CSNK1G1: variants seen among roughly 807,000 people sequenced by gnomAD.
CSNK1G1 encodes casein kinase I isoform gamma-1.
Under a neutral mutation model 59.6 loss-of-function variants are expected in CSNK1G1, and 22 were observed. That is an observed-to-expected ratio of 0.37 (90% confidence interval 0.26 to 0.53). The LOEUF is 0.53. Among genes scored for constraint, CSNK1G1 ranks in the 20% least tolerant of loss-of-function variants. The pLI is 0.89. For synonymous variants in CSNK1G1, 179 were observed against 177.1 expected (o/e 1.01, Z -0.08); for missense variants, 384 against 519.5 (o/e 0.74, Z 2.54).
Position 64,213,886 on chromosome 15 carries a change from A to G in CSNK1G1, c.679+4T>C, listed in dbSNP as rs748267038. 2.5e-6 allele frequency: 4 copies of G among 1,601,960 alleles called. No individual in the cohort carries two copies. The South Asian group carries it at 4.4e-5, about 18-fold the overall frequency. Reference sequence around the variant, plus strand: ...CCCCTTTCATGGAACAGAAAAAAACACACCTTTGCCAAGATGCGTGTTGAT... The same window carrying G: ...CCCCTTTCATGGAACAGAAAAAAACGCACCTTTGCCAAGATGCGTGTTGAT... On this transcript the variant is annotated splice_donor_region_variant and intron_variant, in intron 6 of 11. Transcript: ENST00000303052.
Position 64,238,518 on chromosome 15 carries a change from A to AATATATATAT in CSNK1G1, c.292+12984_292+12993dup, listed in dbSNP as rs1212005568. Among the ~76,000 whole-genome samples, 51 of 49,228 alleles carry AATATATATAT rather than the reference A, an allele frequency of 1.0e-3. 1 individual carries two copies. Among genetic ancestry groups the AATATATATAT allele is most frequent in the African/African-American group, 5.1e-3 (43 of 8,502 alleles). 32.3% of individuals were successfully genotyped at this position (49,228 alleles called of 152,430 possible). On this transcript the variant is annotated intron_variant, in intron 4 of 11. Coordinates refer to ENST00000303052, the MANE Select transcript of CSNK1G1 (RefSeq NM_022048.5). ...TTAAAAAAAAAAAAAAAAAAAAAAA[A>AATATATATAT]ATATATATATATATATATATATATA...
chr15:64,278,461 T>C (rs1379091886), intron 2 of CSNK1G1, among the ~76,000 whole-genome samples: 1 of 137,438 alleles, frequency 7.3e-6, no homozygotes. Flanking sequence ...CAGAGTCTCA[T>C]TCTGTCACCC....
intron 1 of CSNK1G1, among the ~76,000 whole-genome samples, chr15:64,329,086 C>G (rs1266343052): frequency 6.6e-6 from 1 of 150,844 alleles, no homozygotes; most frequent in Non-Finnish European, 1.5e-5. Context: ...GAGACTTTAA[C>G]ACCCTACTGT....
intron 1 of CSNK1G1, among the ~76,000 whole-genome samples, chr15:64,316,467 T>G (rs1407650932): frequency 1.5e-5 from 2 of 131,888 alleles, no homozygotes; most frequent in African/African-American, 2.9e-5. Context: ...ACTCAGGAGG[T>G]GGAGGGTGCA....
chr15:64,206,151 CA>C (rs1205822940), intron 7 of CSNK1G1, among the ~76,000 whole-genome samples: 1 of 152,034 alleles, frequency 6.6e-6, no homozygotes, highest in Non-Finnish European at 1.5e-5. Context: ...ACTAAAAATA[CA>C]AAAAATTGGC....
intron 10 of CSNK1G1, among the ~76,000 whole-genome samples, chr15:64,182,646 T>C (rs1305478294): frequency 6.6e-6 from 1 of 152,162 alleles, no homozygotes; most frequent in Non-Finnish European, 1.5e-5. Context: ...CAGGCTGAAG[T>C]ACTTTGGGAT....
At position 64,216,544 on chromosome 15, in the gene CSNK1G1, A is replaced by G. The variant is rs2082314095; in HGVS notation, c.444+18T>C. 1.2e-6 allele frequency: 2 copies of G among 1,613,014 alleles called. No individual in the cohort carries two copies. The highest frequency in any genetic ancestry group is 1.7e-6 in the Non-Finnish European group (2 of 1,179,318). The stretch of plus-strand genomic sequence containing the variant: ...AGGAACCAGCTTATTCTCTTCTAGA[A>G]GAGCAATTCCAACTTACCAGCTGGA... On this transcript the variant is annotated intron_variant, in intron 5 of 11. Coordinates refer to ENST00000303052, the MANE Select transcript of CSNK1G1 (RefSeq NM_022048.5). This position sits in a 1 kb window ranked among gnomAD's most constrained non-coding sequence, Gnocchi z 4.6.
In CSNK1G1 at chr15:64,284,193, A is replaced by G. The variant is rs558033292; in HGVS notation, c.181+16126T>C. On this transcript the variant is annotated intron_variant, in intron 2 of 11. Transcript: ENST00000303052. ...ATCTATTTTACCAGTCTATATGTCT[A>G]TCCTGATGGGAGCACCACACTGTCT... is the stretch of plus-strand genomic sequence containing the variant. 1.5e-4 allele frequency among the ~76,000 whole-genome samples: 23 copies of G among 152,302 alleles called. No individual in the cohort carries two copies. In the South Asian group the frequency reaches 3.1e-3, roughly 21 times the overall value.
At chr15:64,286,979 C>A (rs1385997696) in intron 2 of CSNK1G1, among the ~76,000 whole-genome samples, 1 of 152,104 alleles carries the variant, frequency 6.6e-6, no homozygotes, top group African/African-American at 2.4e-5. Flanking sequence ...TTTCTGGTAA[C>A]ATGTAATTAT....
intron 1 of CSNK1G1, among the ~76,000 whole-genome samples, chr15:64,336,858 T>C (rs186003900): frequency 6.6e-6 from 1 of 152,290 alleles, no homozygotes; most frequent in African/African-American, 2.4e-5. Context: ...ACATATTTTA[T>C]AAATATTCAC....
intron 2 of CSNK1G1, among the ~76,000 whole-genome samples, chr15:64,277,734 TTAATATTGATATATTTAATAATATAG>T (rs1893774532): frequency 1.5e-5 from 2 of 129,190 alleles, no homozygotes; most frequent in Admixed American, 8.9e-5. Flanking sequence ...TAATAATATA[TTAATATTGATATATTTAATAATATAG>T]CAATATTGAT....
chr15:64,179,698 T>G (rs1237466559), intron 11 of CSNK1G1, among the ~76,000 whole-genome samples: 1 of 152,174 alleles, frequency 6.6e-6, no homozygotes, highest in Non-Finnish European at 1.5e-5. Flanking sequence ...TTTAAGAGTT[T>G]AAACACAGAC....
chr15:64,273,864 T>C (rs1893461718), intron 2 of CSNK1G1, among the ~76,000 whole-genome samples: 1 of 152,204 alleles, frequency 6.6e-6, no homozygotes, highest in South Asian at 2.1e-4. Context: ...TAAATGATGC[T>C]CTTAATTAGC....
chr15:64,335,593 G>T (rs1382137657), intron 1 of CSNK1G1, among the ~76,000 whole-genome samples: 1 of 152,030 alleles, frequency 6.6e-6, no homozygotes, highest in African/African-American at 2.4e-5. Context: ...TTTCTTTCAT[G>T]AATATTTACT....
At chr15:64,243,360 CA>C (rs1022699937) in intron 4 of CSNK1G1, among the ~76,000 whole-genome samples, 15 of 150,896 alleles carry the variant, frequency 9.9e-5, no homozygotes, top group East Asian at 1.9e-4. Context: ...CAAAACAAAA[CA>C]AAAAAAACCC....
chr15:64,334,574 G>T (rs1027526977), intron 1 of CSNK1G1, among the ~76,000 whole-genome samples: 7 of 152,200 alleles, frequency 4.6e-5, no homozygotes, highest in African/African-American at 1.4e-4. Context: ...GGTCCTTTCT[G>T]CAAGTGATGG....
At chr15:64,278,420 A>G (rs12915756) in intron 2 of CSNK1G1, among the ~76,000 whole-genome samples, 17,764 of 63,700 alleles carry the variant, frequency 0.28, 1,377 homozygotes, top group South Asian at 0.35. Flanking sequence ...GTGTGTGTGT[A>G]TATATATATA....
chr15:64,257,627 C>T (rs1403143502), intron 3 of CSNK1G1, among the ~76,000 whole-genome samples: 2 of 152,068 alleles, frequency 1.3e-5, no homozygotes, highest in Non-Finnish European at 2.9e-5. Context: ...GCTCAGGTGA[C>T]TTCTTCCACA....
At chr15:64,261,634 C>T (rs939096473) in intron 2 of CSNK1G1, among the ~76,000 whole-genome samples, 1 of 151,580 alleles carries the variant, frequency 6.6e-6, no homozygotes, top group African/African-American at 2.4e-5. Context: ...AAAACAAAAC[C>T]AACTAATTTT....
Sources: gnomAD v4.1 joint callset for allele counts (sites outside exome capture counted in the v4.1 genomes callset) on GRCh38, gnomAD v4.1.1 for gene constraint, Gnocchi (gnomAD v3.1) non-coding constraint, MANE v1.5 for transcripts, NCBI Gene and HGNC (gene_info 2026-07-23, HGNC 2026-07-21) for gene names.